AP1S3: variants seen among roughly 807,000 people sequenced by gnomAD.
The protein encoded by AP1S3 is adaptor related protein complex 1 subunit sigma 3.
AP1S3 carries 10 observed loss-of-function variants against 20.9 expected under a neutral mutation model. That is an observed-to-expected ratio of 0.48 (90% CI 0.29 to 0.81). The LOEUF is 0.81. Among genes scored for constraint, AP1S3 ranks in the 30% least tolerant of loss-of-function variants. The probability of loss-of-function intolerance (pLI) is 0.08; values close to 1 mark genes in which losing one functional copy is unlikely to be tolerated. For synonymous variants in AP1S3, 41 were observed against 61.5 expected (o/e 0.67, Z 1.56); for missense variants, 154 against 183.8 (o/e 0.84, Z 0.94).
At chr2:223,779,337 G>C (rs1171582573) in intron 1 of AP1S3, among the ~76,000 whole-genome samples, 2 of 151,440 alleles carry the variant, frequency 1.3e-5, no homozygotes, top group African/African-American at 4.9e-5. Flanking sequence ...TGAGCCCAAG[G>C]GTTTGAGACA....
chr2:223,759,817 T>A (rs1186723939), intron 4 of AP1S3, among the ~76,000 whole-genome samples: 2 of 152,140 alleles, frequency 1.3e-5, no homozygotes, highest in African/African-American at 2.4e-5. Context: ...CCCTTCTATG[T>A]GTCCGTGTGT....
At chr2:223,793,505 A>G (rs1033880453) in intron 1 of AP1S3, among the ~76,000 whole-genome samples, 3 of 152,136 alleles carry the variant, frequency 2.0e-5, no homozygotes, top group Admixed American at 1.3e-4. Flanking sequence ...TCTCACTTAG[A>G]AGTGGGAGCT....
At chr2:223,796,532 A>C (rs1218520138) in intron 1 of AP1S3, among the ~76,000 whole-genome samples, 1 of 152,162 alleles carries the variant, frequency 6.6e-6, no homozygotes, top group East Asian at 1.9e-4. Flanking sequence ...GAGATGAGTA[A>C]TCTGGAGTTC....
At chr2:223,782,101 T>A (rs1690963997) in intron 1 of AP1S3, among the ~76,000 whole-genome samples, 1 of 151,754 alleles carries the variant, frequency 6.6e-6, no homozygotes, top group South Asian at 2.1e-4. Context: ...AACCTCTACT[T>A]CCTAGGCTCA....
chr2:223,756,407 GA>G lies in AP1S3; in HGVS notation c.*2307del. On this transcript the variant is annotated 3_prime_UTR_variant, in exon 5 of 5. Coordinates refer to ENST00000396654, the MANE Select transcript of AP1S3 (RefSeq NM_001039569.2). ...GAGGGAGGAAGGGAAGGAAGGAAGG[GA>G]GGGAAGGAGAGAGAGAGAAGAAGGA... 2.0e-6 allele frequency: 1 copy of G among 498,030 alleles called. No individual in the cohort carries two copies. The highest frequency in any genetic ancestry group is 2.5e-6 in the Non-Finnish European group (1 of 395,088). The allele number at this position is 498,030 out of a possible 1,614,324, so 30.9% of individuals were successfully genotyped here. A position where few individuals can be genotyped will look rare whatever the true frequency, so the allele number is the denominator to read the frequency against.
intron 1 of AP1S3, among the ~76,000 whole-genome samples, chr2:223,832,352 C>CAA: frequency 6.6e-6 from 1 of 150,858 alleles, no homozygotes; most frequent in East Asian, 2.0e-4. Context: ...CAATACTCAC[C>CAA]ACAAACAAAC....
chr2:223,759,085 G>C (rs997775862), intron 4 of AP1S3, among the ~76,000 whole-genome samples: 5 of 152,096 alleles, frequency 3.3e-5, no homozygotes, highest in African/African-American at 1.2e-4. Context: ...CCTGAGGCCA[G>C]CCTGGCCAAC....
chr2:223,768,261 A>G (rs968731486), intron 3 of AP1S3, among the ~76,000 whole-genome samples: 8 of 151,954 alleles, frequency 5.3e-5, no homozygotes, highest in Non-Finnish European at 1.0e-4. Flanking sequence ...TGTGTCCCCA[A>G]ATGTCCTTTT....
At chr2:223,831,938 A>G (rs1221255504) in intron 1 of AP1S3, among the ~76,000 whole-genome samples, 2 of 152,112 alleles carry the variant, frequency 1.3e-5, no homozygotes, top group Admixed American at 1.3e-4. Context: ...TTAGCTGGGC[A>G]TGGTGGCGGG....
intron 1 of AP1S3, among the ~76,000 whole-genome samples, chr2:223,798,581 A>C (rs1691398545): frequency 6.6e-6 from 1 of 152,232 alleles, no homozygotes; most frequent in Non-Finnish European, 1.5e-5. Flanking sequence ...ACAATTCCTC[A>C]TAAAATTGTC....
At chr2:223,789,466 G>A (rs1691158967) in intron 1 of AP1S3, among the ~76,000 whole-genome samples, 2 of 152,110 alleles carry the variant, frequency 1.3e-5, no homozygotes, top group Admixed American at 1.3e-4. Context: ...GAGCCCAGGA[G>A]TTCAAGGCCA....
At chr2:223,778,860 C>G (rs1228286573) in intron 1 of AP1S3, among the ~76,000 whole-genome samples, 2 of 152,092 alleles carry the variant, frequency 1.3e-5, no homozygotes, top group East Asian at 3.9e-4. Context: ...CCATGCTCAG[C>G]TAATTTTGCT....
At chr2:223,768,160 C>T (rs1690526744) in intron 3 of AP1S3, among the ~76,000 whole-genome samples, 1 of 152,164 alleles carries the variant, frequency 6.6e-6, no homozygotes, top group African/African-American at 2.4e-5. Flanking sequence ...CGTGCCAGTT[C>T]TCATCCATGC....
chr2:223,788,597 CAAA>C (rs550638882), intron 1 of AP1S3, among the ~76,000 whole-genome samples: 1 of 104,046 alleles, frequency 9.6e-6, no homozygotes, highest in Non-Finnish European at 2.2e-5. Context: ...ACTAAAAATA[CAAA>C]AAAAAAAAAA....
Position 223,756,072 on chromosome 2 carries a change from C to T in AP1S3, c.*2643G>A. The T allele has an allele frequency of 3.0e-6, 3 of 985,012 alleles. No individual in the cohort carries two copies. The highest frequency in any genetic ancestry group is 2.4e-6 in the Non-Finnish European group (2 of 829,570). The allele number at this position is 985,012 out of a possible 1,614,324, so 61.0% of individuals were successfully genotyped here. A position where few individuals can be genotyped will look rare whatever the true frequency, so the allele number is the denominator to read the frequency against. On this transcript the variant is annotated 3_prime_UTR_variant, in exon 5 of 5. Transcript: ENST00000396654. ...TAAAGAATTTGGCCGGGTGCAGCGGCTCATGCCTGTAATTCCAGCACTTTG... is the reference window on the plus strand; with the variant it reads ...TAAAGAATTTGGCCGGGTGCAGCGGTTCATGCCTGTAATTCCAGCACTTTG...
chr2:223,809,162 G>A (rs1418204157), intron 1 of AP1S3, among the ~76,000 whole-genome samples: 1 of 152,166 alleles, frequency 6.6e-6, no homozygotes, highest in Non-Finnish European at 1.5e-5. Context: ...TTCTCTCCAG[G>A]AAAGAGCCAA....
chr2:223,773,814 G>A (rs562484911), intron 3 of AP1S3, among the ~76,000 whole-genome samples: 4 of 152,334 alleles, frequency 2.6e-5, no homozygotes, highest in South Asian at 4.1e-4. Context: ...GAATAGGGAA[G>A]AGGGTATTAT....
At chr2:223,785,919 G>A (rs911832998) in intron 1 of AP1S3, among the ~76,000 whole-genome samples, 5 of 152,196 alleles carry the variant, frequency 3.3e-5, no homozygotes, top group Admixed American at 6.6e-5. Context: ...TGTACTCCCT[G>A]AATCTAAAAT....
At chr2:223,801,061 A>T (rs974333931) in intron 1 of AP1S3, among the ~76,000 whole-genome samples, 2 of 151,930 alleles carry the variant, frequency 1.3e-5, no homozygotes, top group African/African-American at 4.8e-5. Flanking sequence ...AGTTATGCAA[A>T]TAATTATAAC....
Sources: gnomAD v4.1 joint callset for allele counts (sites outside exome capture counted in the v4.1 genomes callset) on GRCh38, gnomAD v4.1.1 for gene constraint, MANE v1.5 for transcripts, NCBI Gene and HGNC (gene_info 2026-07-23, HGNC 2026-07-21) for gene names.